Variants in LINGO2 observed in about 807,000 individuals in gnomAD.
LINGO2 encodes the protein leucine-rich repeat and immunoglobulin-like domain-containing nogo receptor-interacting protein 2.
In LINGO2, 14 loss-of-function variants were observed where a neutral mutation model predicts 30.6. The ratio of observed to expected loss-of-function variants is 0.46; its 90% CI spans 0.30 to 0.72. The LOEUF is 0.72. LINGO2 is among the 30% of genes least tolerant of loss of function. The pLI is 0.07. For missense variants in LINGO2, 729 were observed against 751.7 expected (o/e 0.97, Z 0.35); for synonymous variants, 317 against 288.5 (o/e 1.10, Z -1.00).
At chr9:29,019,558 A>G in the LINGO2 span, among the ~76,000 whole-genome samples, 2 of 152,126 alleles carry the variant, frequency 1.3e-5, no homozygotes, top group Non-Finnish European at 2.9e-5. Context: ...GATATTGGTC[A>G]CATTTTGTCT....
chr9:28,275,421 C>G (rs1009318359), intron 4 of LINGO2, among the ~76,000 whole-genome samples: 2 of 152,022 alleles, frequency 1.3e-5, no homozygotes, highest in African/African-American at 4.8e-5. Context: ...TCACTCTACC[C>G]TCTTCACAGC....
intron 3 of LINGO2, among the ~76,000 whole-genome samples, chr9:28,316,045 A>G (rs1250320679): frequency 1.3e-5 from 2 of 151,834 alleles, no homozygotes; most frequent in Admixed American, 6.6e-5. Context: ...ATTTACAAAT[A>G]CAGATAATAA....
At chr9:28,663,160 G>C (rs548273865) in intron 1 of LINGO2, among the ~76,000 whole-genome samples, 3 of 151,994 alleles carry the variant, frequency 2.0e-5, no homozygotes, top group Non-Finnish European at 4.4e-5. Context: ...TTGAGGTGCA[G>C]TTGTATTTTT....
Position 28,513,565 on chromosome 9 carries a change from C to G in LINGO2, c.-364-37540G>C, listed in dbSNP as rs891024905. ...CATATCTTTTATTGTCACTTGAATTCTACAATGAGATAGTTTGTTAGAAAT... is the reference window on the plus strand; with the variant it reads ...CATATCTTTTATTGTCACTTGAATTGTACAATGAGATAGTTTGTTAGAAAT... On this transcript the variant is annotated intron_variant, in intron 1 of 5. Transcript: ENST00000379992. Among the ~76,000 whole-genome samples, 6 of 152,176 alleles carry G rather than the reference C, an allele frequency of 3.9e-5. No homozygotes were observed. In the East Asian group the frequency reaches 7.7e-4, roughly 20 times the overall value.
At chr9:28,769,214 A>C in the LINGO2 span, among the ~76,000 whole-genome samples, 1 of 151,498 alleles carries the variant, frequency 6.6e-6, no homozygotes, top group African/African-American at 2.4e-5. Context: ...TTAATTCTAT[A>C]GGCAAGTATA....
intron 4 of LINGO2, among the ~76,000 whole-genome samples, chr9:28,166,020 T>C (rs1828417502): frequency 6.6e-6 from 1 of 152,190 alleles, no homozygotes; most frequent in South Asian, 2.1e-4. Context: ...CATCACAGTA[T>C]ATCTGGGTAT....
At chr9:28,590,713 C>A (rs1261329606) in intron 1 of LINGO2, among the ~76,000 whole-genome samples, 1 of 152,124 alleles carries the variant, frequency 6.6e-6, no homozygotes. Flanking sequence ...GTTGGCGGGA[C>A]TGTAAACTAG....
chr9:28,377,529 C>A (rs1821178165), intron 2 of LINGO2, among the ~76,000 whole-genome samples: 1 of 152,100 alleles, frequency 6.6e-6, no homozygotes, highest in African/African-American at 2.4e-5. Flanking sequence ...AAGTTATACA[C>A]AGATTTTCAA....
chr9:28,644,629 C>T (rs563051537), intron 1 of LINGO2, among the ~76,000 whole-genome samples: 1 of 150,872 alleles, frequency 6.6e-6, no homozygotes, highest in African/African-American at 2.4e-5. Flanking sequence ...TTTGATAGTG[C>T]AACAGGTGAC....
the LINGO2 span, among the ~76,000 whole-genome samples, chr9:28,771,455 GTGTGTGTGTGT>G: frequency 0.016 from 1,116 of 67,668 alleles, 12 homozygotes; most frequent in Non-Finnish European, 0.022. Context: ...CCTATTTGGT[GTGTGTGTGTGT>G]GTGTGTGTGT....
At chr9:29,190,051 G>C in the LINGO2 span, among the ~76,000 whole-genome samples, 1 of 141,168 alleles carries the variant, frequency 7.1e-6, no homozygotes, top group Non-Finnish European at 1.5e-5. Flanking sequence ...GGGAGAGGGA[G>C]GGGGAGGGGG....
At chr9:27,955,715 A>C (rs1442980940) in intron 5 of LINGO2, among the ~76,000 whole-genome samples, 1 of 152,038 alleles carries the variant, frequency 6.6e-6, no homozygotes, top group Non-Finnish European at 1.5e-5. Context: ...GGCTGTGTCC[A>C]AGAGCTGCTA....
intron 2 of LINGO2, among the ~76,000 whole-genome samples, chr9:28,374,364 T>C (rs1436349423): frequency 6.6e-6 from 1 of 151,984 alleles, no homozygotes; most frequent in Non-Finnish European, 1.5e-5. Context: ...TAAGTGTTTA[T>C]AATATTTTTT....
chr9:28,336,800 AC>A (rs990170834), intron 3 of LINGO2, among the ~76,000 whole-genome samples: 2 of 151,792 alleles, frequency 1.3e-5, no homozygotes, highest in Admixed American at 1.3e-4. Context: ...GCAAAAAAAA[AC>A]CACCTCATTT....
chr9:28,777,029 C>T, the LINGO2 span, among the ~76,000 whole-genome samples: 2 of 151,956 alleles, frequency 1.3e-5, no homozygotes, highest in South Asian at 4.2e-4. Flanking sequence ...GTGGCACGTC[C>T]CCCTTTGCTC....
chr9:28,681,965 G>A, the LINGO2 span, among the ~76,000 whole-genome samples: 1 of 152,204 alleles, frequency 6.6e-6, no homozygotes, highest in African/African-American at 2.4e-5. Flanking sequence ...ACATCAAGAA[G>A]CAGAGATTCA....
chr9:28,547,265 A>T (rs1564282244), intron 1 of LINGO2, among the ~76,000 whole-genome samples: 1 of 151,994 alleles, frequency 6.6e-6, no homozygotes, highest in East Asian at 1.9e-4. Flanking sequence ...CCGTCCTTTC[A>T]TTTTTTTCAC....
chr9:29,059,625 A>AT, the LINGO2 span, among the ~76,000 whole-genome samples: 1 of 151,922 alleles, frequency 6.6e-6, no homozygotes, highest in Non-Finnish European at 1.5e-5. Flanking sequence ...AACACAATTT[A>AT]TAAAAAAAGG....
chr9:28,216,708 A>T (rs1001006220), intron 4 of LINGO2, among the ~76,000 whole-genome samples: 1 of 151,948 alleles, frequency 6.6e-6, no homozygotes, highest in Non-Finnish European at 1.5e-5. Flanking sequence ...CCCTAAATAC[A>T]GCAAGGACTT....
Sources: allele counts gnomAD v4.1 joint callset (sites outside exome capture counted in the v4.1 genomes callset), GRCh38; gene constraint gnomAD v4.1.1; transcripts MANE v1.5; gene names NCBI Gene and HGNC (gene_info 2026-07-23, HGNC 2026-07-21).